Variants in DOCK3 observed in about 807,000 individuals in gnomAD.
The protein encoded by DOCK3 is dedicator of cytokinesis protein 3.
DOCK3 carries 60 observed loss-of-function variants against 265.6 expected under a neutral mutation model. The ratio of observed to expected loss-of-function variants is 0.23; its 90% confidence interval spans 0.18 to 0.28. The LOEUF (loss-of-function observed/expected upper bound fraction) is 0.28, where lower values mean the gene tolerates loss of function less well. Ranked by LOEUF, DOCK3 falls within the 10% of genes least tolerant of loss-of-function variation. The pLI, the probability that DOCK3 is intolerant of heterozygous loss-of-function variation, is 1.00. For missense variants in DOCK3, 1,981 were observed against 2,594.3 expected, an observed-to-expected ratio of 0.76 and a Z score of 5.14; for synonymous variants, 881 against 938.0, an observed-to-expected ratio of 0.94 and a Z score of 1.11.
chr3:51,095,621 A>T (rs376536355), intron 9 of DOCK3, among the ~76,000 whole-genome samples: 1 of 151,900 alleles, frequency 6.6e-6, no homozygotes, highest in South Asian at 2.1e-4. Context: ...TAACATTTAC[A>T]TTTGATCTTT....
intron 1 of DOCK3, among the ~76,000 whole-genome samples, chr3:50,754,492 T>C (rs2040033878): frequency 6.6e-6 from 1 of 152,020 alleles, no homozygotes; most frequent in Non-Finnish European, 1.5e-5. Flanking sequence ...AACTGTACTT[T>C]GAGCACATAA....
At chr3:50,906,711 G>T (rs773070609) in intron 4 of DOCK3, among the ~76,000 whole-genome samples, 55 of 152,058 alleles carry the variant, frequency 3.6e-4, no homozygotes, top group Non-Finnish European at 7.4e-4. Flanking sequence ...CCAGCTCCTG[G>T]CTTCATTGAT....
chr3:51,364,081 G>C (rs1238763994), intron 49 of DOCK3, among the ~76,000 whole-genome samples: 1 of 152,220 alleles, frequency 6.6e-6, no homozygotes. Flanking sequence ...CACAATGGTT[G>C]AACTAGTTTA....
chr3:50,736,840 G>T (rs1364287226), intron 1 of DOCK3, among the ~76,000 whole-genome samples: 1 of 151,878 alleles, frequency 6.6e-6, no homozygotes, highest in Non-Finnish European at 1.5e-5. Context: ...GGGACTACAG[G>T]TGCCCACCAC....
At chr3:51,159,045 A>G (rs1350670896) in intron 10 of DOCK3, among the ~76,000 whole-genome samples, 199 bp from the exon 11 acceptor site, 2 of 152,354 alleles carry the variant, frequency 1.3e-5, no homozygotes, top group East Asian at 1.9e-4. Flanking sequence ...AATGTTGTCA[A>G]TAGAATAAAC....
At chr3:51,353,473 A>G (rs921876052) in intron 40 of DOCK3, among the ~76,000 whole-genome samples, 9 of 152,214 alleles carry the variant, frequency 5.9e-5, no homozygotes, top group Admixed American at 1.3e-4. Context: ...TTAGCCAGGC[A>G]TGGTGCCAGA....
At chr3:51,048,127 A>C (rs1157276844) in intron 5 of DOCK3, among the ~76,000 whole-genome samples, 1 of 152,138 alleles carries the variant, frequency 6.6e-6, no homozygotes, top group East Asian at 1.9e-4. Context: ...TAAAAATCAT[A>C]TGATCATCTC....
chr3:50,888,181 T>C (rs1049930518), intron 3 of DOCK3, among the ~76,000 whole-genome samples: 5 of 152,088 alleles, frequency 3.3e-5, no homozygotes, highest in South Asian at 2.1e-4. Context: ...ACAAAATCAA[T>C]GTACAAAAAT....
chr3:50,994,369 A>G (rs1444163625), intron 5 of DOCK3, among the ~76,000 whole-genome samples: 1 of 152,164 alleles, frequency 6.6e-6, no homozygotes, highest in Non-Finnish European at 1.5e-5. Context: ...TATTGTTAGT[A>G]TCTTCAGCTT....
chr3:51,380,820 CCAG>C (rs2088570966), intron 52 of DOCK3, among the ~76,000 whole-genome samples: 3 of 152,140 alleles, frequency 2.0e-5, no homozygotes. Context: ...GCACCAATGC[CCAG>C]CAGCCAGGGC....
intron 27 of DOCK3, among the ~76,000 whole-genome samples, chr3:51,307,801 T>C (rs781273559): frequency 4.1e-5 from 6 of 146,332 alleles, no homozygotes; most frequent in Non-Finnish European, 6.0e-5. Context: ...TTCCTTATAA[T>C]TTTTTTTTTT....
At chr3:51,163,498 A>G (rs2086235059) in intron 12 of DOCK3, among the ~76,000 whole-genome samples, 1 of 152,110 alleles carries the variant, frequency 6.6e-6, no homozygotes. Context: ...AAATAACCAT[A>G]TGTACATTTC....
chr3:50,927,003 T>C (rs546761397), intron 4 of DOCK3, among the ~76,000 whole-genome samples: 7 of 152,204 alleles, frequency 4.6e-5, no homozygotes, highest in African/African-American at 7.2e-5. Flanking sequence ...AGAGCAAACA[T>C]TGAAGTTCTT....
intron 2 of DOCK3, among the ~76,000 whole-genome samples, chr3:50,836,427 C>T (rs2045514210): frequency 6.6e-6 from 1 of 152,224 alleles, no homozygotes. Context: ...AGGCATGGAG[C>T]TTCCACCCTC....
intron 2 of DOCK3, among the ~76,000 whole-genome samples, chr3:50,784,509 A>G (rs1267743489): frequency 6.6e-6 from 1 of 152,182 alleles, no homozygotes; most frequent in African/African-American, 2.4e-5. Context: ...TTTTGGTTCC[A>G]TATGAATTGT....
intron 6 of DOCK3, among the ~76,000 whole-genome samples, chr3:51,074,955 C>T (rs1391699186): frequency 6.6e-6 from 1 of 152,124 alleles, no homozygotes; most frequent in East Asian, 1.9e-4. Context: ...TTGAATTACA[C>T]CCTGAAGATT....
chr3:50,687,826 G>C (rs1182060058), intron 1 of DOCK3, among the ~76,000 whole-genome samples: 3 of 152,166 alleles, frequency 2.0e-5, no homozygotes, highest in Admixed American at 6.5e-5. Flanking sequence ...ATCATTCAAA[G>C]ACTTGAATAG....
intron 34 of DOCK3, 51 bp from the exon 35 acceptor site, chr3:51,333,107 C>A (rs1560452887): frequency 6.2e-7 from 1 of 1,613,638 alleles, no homozygotes; most frequent in African/African-American, 1.3e-5. Flanking sequence ...CTCTTGTGCC[C>A]AGGAGAAGGC....
intron 1 of DOCK3, among the ~76,000 whole-genome samples, chr3:50,751,378 G>A (rs1430214069): frequency 6.6e-6 from 1 of 151,948 alleles, no homozygotes; most frequent in Non-Finnish European, 1.5e-5. Flanking sequence ...TAGGTTTTAA[G>A]CCCTGCATGC....
Sources: gnomAD v4.1 joint callset for allele counts (sites outside exome capture counted in the v4.1 genomes callset) on GRCh38, gnomAD v4.1.1 for gene constraint, MANE v1.5 for transcripts, NCBI Gene and HGNC (gene_info 2026-07-23, HGNC 2026-07-21) for gene names.